ADGRL3: variants seen among roughly 807,000 people sequenced by gnomAD.
ADGRL3 encodes the protein adhesion G protein-coupled receptor L3, also known as calcium-independent alpha-latrotoxin receptor 3.
ADGRL3 carries 62 observed loss-of-function variants against 153.5 expected under a neutral mutation model. The observed-to-expected ratio is 0.40, with a 90% CI of 0.33 to 0.50. The LOEUF is 0.50. ADGRL3 is among the 20% of genes least tolerant of loss of function. The probability of loss-of-function intolerance (pLI) is 0.47; values close to 1 mark genes in which losing one functional copy is unlikely to be tolerated. For synonymous variants in ADGRL3, 710 were observed against 672.5 expected (o/e 1.06, Z -0.86); for missense variants, 1,641 against 1,859.4 (o/e 0.88, Z 2.16).
At chr4:61,476,708 TAAAAAAAAAAAAAAA>T (rs34866230) in intron 2 of ADGRL3, among the ~76,000 whole-genome samples, 8 of 33,560 alleles carry the variant, frequency 2.4e-4, no homozygotes, top group Non-Finnish European at 3.8e-4. Flanking sequence ...AGACTCTGTC[TAAAAAAAAAAAAAAA>T]AAAAAAAAAA....
intron 11 of ADGRL3, among the ~76,000 whole-genome samples, chr4:61,906,685 A>G (rs1054209363): frequency 6.6e-6 from 1 of 152,164 alleles, no homozygotes; most frequent in Non-Finnish European, 1.5e-5. Context: ...TCATTGAAAC[A>G]AACCCTTGAC....
intron 13 of ADGRL3, among the ~76,000 whole-genome samples, chr4:61,913,878 A>C (rs1254103846): frequency 2.0e-5 from 3 of 152,292 alleles, no homozygotes; most frequent in African/African-American, 7.2e-5. Context: ...ATGAATGGAA[A>C]TATCTCTGTG....
chr4:62,061,123 G>A (rs1012928531), intron 25 of ADGRL3, among the ~76,000 whole-genome samples: 4 of 151,946 alleles, frequency 2.6e-5, no homozygotes, highest in Middle Eastern at 3.4e-3. Context: ...CTGACAAAGA[G>A]TTATAATTTA....
At chr4:61,453,121 G>A (rs1260087964) in intron 2 of ADGRL3, among the ~76,000 whole-genome samples, 1 of 152,124 alleles carries the variant, frequency 6.6e-6, no homozygotes, top group Non-Finnish European at 1.5e-5. Flanking sequence ...AAGGTTGAAT[G>A]TGAAACATTT....
chr4:61,495,070 C>G (rs1220246696), intron 2 of ADGRL3, among the ~76,000 whole-genome samples: 1 of 152,046 alleles, frequency 6.6e-6, no homozygotes, highest in African/African-American at 2.4e-5. Flanking sequence ...ACCCATTACA[C>G]AGATAAAAAA....
At chr4:61,290,215 C>T (rs773440728) in intron 1 of ADGRL3, among the ~76,000 whole-genome samples, 14 of 151,978 alleles carry the variant, frequency 9.2e-5, no homozygotes, top group African/African-American at 1.9e-4. Flanking sequence ...CCTATCCACA[C>T]GAATCAGCCA....
At chr4:61,363,580 T>G in intron 1 of ADGRL3, among the ~76,000 whole-genome samples, 1 of 152,310 alleles carries the variant, frequency 6.6e-6, no homozygotes, top group East Asian at 1.9e-4. Context: ...AAGAAAATGT[T>G]AACTTCCCTG....
chr4:61,538,635 T>C (rs2098671782), intron 4 of ADGRL3, among the ~76,000 whole-genome samples: 1 of 151,968 alleles, frequency 6.6e-6, no homozygotes, highest in Non-Finnish European at 1.5e-5. Context: ...AGAGACAGGG[T>C]TTCTCCATGT....
At position 62,070,353 on chromosome 4, in the gene ADGRL3, G is replaced by A. The variant is rs1270756143; in HGVS notation, c.4077G>A (p.Leu1359=). ...HERSSEQNRN[L]MNKLVNNLGS... Reference sequence around the variant, plus strand: ...GCTCCAGTGAACAGAACAGGAATCTGATGAACAAGCTGGTGAATAACCTTG... The same window carrying A: ...GCTCCAGTGAACAGAACAGGAATCTAATGAACAAGCTGGTGAATAACCTTG... Residue 1359 remains leucine (L), a synonymous_variant, in exon 27 of 27, where the codon CTG becomes CTA. Coordinates refer to ENST00000683033, the MANE Select transcript of ADGRL3 (RefSeq NM_001387552.1). 1 of 1,552,330 alleles carries A rather than the reference G, an allele frequency of 6.4e-7. No individual in the cohort carries two copies. Among genetic ancestry groups the A allele is most frequent in the South Asian group, 1.2e-5 (1 of 84,118 alleles).
intron 17 of ADGRL3, among the ~76,000 whole-genome samples, chr4:61,971,967 ATC>A (rs2099029621): frequency 6.6e-6 from 1 of 151,928 alleles, no homozygotes; most frequent in Non-Finnish European, 1.5e-5. Context: ...TTTGAGAAGT[ATC>A]TGTTCATATC....
intron 6 of ADGRL3, among the ~76,000 whole-genome samples, chr4:61,702,319 C>G (rs1580356018): frequency 6.6e-6 from 1 of 152,166 alleles, no homozygotes; most frequent in African/African-American, 2.4e-5. Context: ...TATGCATTGT[C>G]TCTTTTGACA....
intron 2 of ADGRL3, among the ~76,000 whole-genome samples, chr4:61,406,997 G>A (rs745588982): frequency 3.9e-5 from 6 of 151,954 alleles, no homozygotes; most frequent in Non-Finnish European, 8.8e-5. Context: ...AAATATTATG[G>A]ATACGATTAA....
At chr4:61,927,305 A>G (rs2098798527) in intron 13 of ADGRL3, among the ~76,000 whole-genome samples, 1 of 152,150 alleles carries the variant, frequency 6.6e-6, no homozygotes, top group African/African-American at 2.4e-5. Flanking sequence ...ATTTCATTCT[A>G]AAGTAGAATT....
intron 25 of ADGRL3, among the ~76,000 whole-genome samples, chr4:62,056,588 G>A (rs1737136233): frequency 1.3e-5 from 2 of 151,966 alleles, no homozygotes; most frequent in Admixed American, 1.3e-4. Flanking sequence ...TGCCATAGAA[G>A]ATACAACCAT....
chr4:61,656,563 C>T (rs942375025), intron 5 of ADGRL3, among the ~76,000 whole-genome samples: 1 of 151,974 alleles, frequency 6.6e-6, no homozygotes, highest in African/African-American at 2.4e-5. Context: ...AAATGAAAGT[C>T]AAGAAAAGAT....
chr4:61,531,183 A>AGT (rs2098610725), intron 4 of ADGRL3, among the ~76,000 whole-genome samples: 1 of 152,190 alleles, frequency 6.6e-6, no homozygotes, highest in Non-Finnish European at 1.5e-5. Context: ...AAAGAAAATG[A>AGT]GTGTGTGTGT....
intron 12 of ADGRL3, among the ~76,000 whole-genome samples, chr4:61,911,158 A>C (rs900786095): frequency 9.2e-5 from 14 of 152,238 alleles, no homozygotes; most frequent in African/African-American, 3.4e-4. Context: ...TTGTTATCAT[A>C]ATGTACCGGA....
intron 2 of ADGRL3, among the ~76,000 whole-genome samples, chr4:61,410,423 G>A (rs2097071455): frequency 6.6e-6 from 1 of 151,584 alleles, no homozygotes; most frequent in Non-Finnish European, 1.5e-5. Context: ...ATACTTTAGT[G>A]TTTAGTGCAT....
intron 6 of ADGRL3, among the ~76,000 whole-genome samples, chr4:61,702,172 C>A (rs72638549): frequency 1.3e-5 from 2 of 152,120 alleles, no homozygotes; most frequent in African/African-American, 4.8e-5. Context: ...CTGCTAAATA[C>A]TCCAGTTCCT....
Sources: gnomAD v4.1 joint callset for allele counts (sites outside exome capture counted in the v4.1 genomes callset) on GRCh38, gnomAD v4.1.1 for gene constraint, MANE v1.5 for transcripts, NCBI Gene and HGNC (gene_info 2026-07-23, HGNC 2026-07-21) for gene names.